KLF3: variants seen among roughly 807,000 people sequenced by gnomAD.
The protein encoded by KLF3 is Krueppel-like factor 3.
Under a neutral mutation model 32.7 loss-of-function variants are expected in KLF3, and 6 were observed. That is an observed-to-expected ratio of 0.18 (90% CI 0.10 to 0.36). KLF3 has a LOEUF of 0.36. Among genes scored for constraint, KLF3 ranks in the 10% least tolerant of loss-of-function variants. The probability of loss-of-function intolerance (pLI) is 1.00; values close to 1 mark genes in which losing one functional copy is unlikely to be tolerated. For synonymous variants in KLF3, 145 were observed against 172.8 expected, an observed-to-expected ratio of 0.84 and a Z score of 1.26; for missense variants, 338 against 449.7, an observed-to-expected ratio of 0.75 and a Z score of 2.25.
chr4:38,697,370 C>A lies in KLF3; in HGVS notation c.*107C>A. The A allele has an allele frequency of 9.3e-7, 1 of 1,071,938 alleles. No individual in the cohort carries two copies. The highest frequency in any genetic ancestry group is 1.7e-5 in the South Asian group (1 of 57,512). The allele number at this position is 1,071,938 out of a possible 1,614,324, so 66.4% of individuals were successfully genotyped here. On this transcript the variant is annotated 3_prime_UTR_variant, in exon 6 of 6. Coordinates refer to ENST00000261438, the MANE Select transcript of KLF3 (RefSeq NM_016531.6). ...TTTACATGTACATTTTAATTTGATT[C>A]AGCTGGTCTGAATCTCTGAATTTAT...
chr4:38,688,652 T>C lies in KLF3; in HGVS notation c.125T>C (p.Leu42Ser). 1 of 1,614,144 alleles carries C rather than the reference T, an allele frequency of 6.2e-7. No individual in the cohort carries two copies. The highest frequency in any genetic ancestry group is 8.5e-7 in the Non-Finnish European group (1 of 1,180,002). ...TATGGGGTCATCTACTCCACACCAT[T>C]GCCTGAGAAGTTCTTTCAGACCCCA... ...NKYGVIYSTP[L>S]PEKFFQTPEG... Residue 42 changes from leucine to serine, a missense_variant, in exon 3 of 6, where the codon TTG (leucine) becomes TCG (serine). Coordinates refer to ENST00000261438, the MANE Select transcript of KLF3 (RefSeq NM_016531.6). This position sits in a 1 kb window ranked among gnomAD's most constrained non-coding sequence, Gnocchi z 4.9.
At chr4:38,693,155 C>CAT (rs1722936406) in intron 4 of KLF3, among the ~76,000 whole-genome samples, 1 of 135,370 alleles carries the variant, frequency 7.4e-6, no homozygotes, top group South Asian at 2.3e-4. Context: ...TATATATATA[C>CAT]ATATATATAA....
At chr4:38,692,774 T>C (rs1309755993) in intron 4 of KLF3, among the ~76,000 whole-genome samples, 2 of 152,084 alleles carry the variant, frequency 1.3e-5, no homozygotes, top group African/African-American at 2.4e-5. Context: ...AATCCAATAA[T>C]TGGGAGAGAT....
intron 2 of KLF3, among the ~76,000 whole-genome samples, chr4:38,681,258 C>G (rs1390537184): frequency 6.6e-6 from 1 of 152,140 alleles, no homozygotes; most frequent in Non-Finnish European, 1.5e-5. Flanking sequence ...GGTGAATCCT[C>G]TCATGACAGA....
At chr4:38,684,287 T>G (rs1722623319) in intron 2 of KLF3, among the ~76,000 whole-genome samples, 1 of 152,194 alleles carries the variant, frequency 6.6e-6, no homozygotes, top group African/African-American at 2.4e-5. Context: ...TTCAAAATAA[T>G]TAGTATATTA....
chr4:38,690,065 T>G, intron 4 of KLF3, 186 bp downstream of exon 4: 1 of 490,888 alleles, frequency 2.0e-6, no homozygotes, highest in Non-Finnish European at 3.5e-6. Context: ...AATATGCTGT[T>G]ACACTGACAA....
chr4:38,679,592 G>A lies in KLF3; in HGVS notation c.-39-995G>A, dbSNP rs1336216773. Among the ~76,000 whole-genome samples, 7 of 152,314 alleles carry A rather than the reference G, an allele frequency of 4.6e-5. No individual in the cohort carries two copies. In the East Asian group the frequency reaches 1.3e-3, roughly 29 times the overall value. On this transcript the variant is annotated intron_variant, in intron 1 of 5. Coordinates refer to ENST00000261438, the MANE Select transcript of KLF3 (RefSeq NM_016531.6). ...GATATATTTAAAGAGGCTCATTGCT[G>A]TTCGTAATGGCGAAAACTTAGAAGC...
intron 1 of KLF3, among the ~76,000 whole-genome samples, chr4:38,673,340 A>T (rs1407772646): frequency 1.3e-5 from 2 of 152,130 alleles, no homozygotes; most frequent in Non-Finnish European, 2.9e-5. Flanking sequence ...GTCTCCAGTG[A>T]TAGGGAGGGC....
intron 1 of KLF3, among the ~76,000 whole-genome samples, chr4:38,675,681 C>T (rs1422652572): frequency 2.0e-5 from 3 of 152,154 alleles, no homozygotes; most frequent in Admixed American, 6.5e-5. Flanking sequence ...GATTTACTGC[C>T]GGTGTCCTGG....
chr4:38,667,122 T>C (rs939387409), intron 1 of KLF3, among the ~76,000 whole-genome samples: 3 of 152,192 alleles, frequency 2.0e-5, no homozygotes, highest in African/African-American at 7.2e-5. Flanking sequence ...GCTGGTGTTA[T>C]TATTCACACC....
At chr4:38,695,130 C>A (rs1179564079) in intron 5 of KLF3, among the ~76,000 whole-genome samples, 7 of 152,348 alleles carry the variant, frequency 4.6e-5, no homozygotes, top group African/African-American at 1.7e-4. Flanking sequence ...AGGCCACTCA[C>A]AATCACTTGC....
chr4:38,695,596 G>T (rs1723025541), intron 5 of KLF3, among the ~76,000 whole-genome samples: 1 of 152,168 alleles, frequency 6.6e-6, no homozygotes, highest in South Asian at 2.1e-4. Flanking sequence ...TAACAGCCAG[G>T]TGCAGTGACG....
In KLF3 at chr4:38,671,350, A is replaced by C. The variant is rs1233869087; in HGVS notation, c.-40+6889A>C. ...AATTTTTCTCAGCAGTTATATCGAC[A>C]ATGCAGGTGCACTGGCTAGGAAGAA... On this transcript the variant is annotated intron_variant, in intron 1 of 5. Transcript: ENST00000261438. This position sits in a 1 kb window ranked among gnomAD's most constrained non-coding sequence, Gnocchi z 4.4. Among the ~76,000 whole-genome samples, 1 of 152,208 alleles carries C rather than the reference A, an allele frequency of 6.6e-6. No individual in the cohort carries two copies. Among genetic ancestry groups the C allele is most frequent in the East Asian group, 1.9e-4 (1 of 5,206 alleles).
At chr4:38,665,379 G>A (rs141348005) in intron 1 of KLF3, among the ~76,000 whole-genome samples, 1,647 of 152,320 alleles carry the variant, frequency 0.011, 18 homozygotes, top group Non-Finnish European at 0.018. Flanking sequence ...CTTTCTTAGA[G>A]ATGGCAGATG....
chr4:38,694,636 G>T, intron 4 of KLF3, 110 bp from the exon 5 acceptor site: 1 of 930,180 alleles, frequency 1.1e-6, no homozygotes, highest in Non-Finnish European at 1.6e-6. Context: ...TTATTTTGTT[G>T]GGATTTTTTG....
At chr4:38,680,884 C>G in intron 2 of KLF3, 1 of 414,900 alleles carries the variant, frequency 2.4e-6, no homozygotes, top group Non-Finnish European at 4.6e-6. Flanking sequence ...AACCCCGTCT[C>G]TACTAAAAAT....
chr4:38,690,224 C>CT (rs1174475209), intron 4 of KLF3: 1 of 226,424 alleles, frequency 4.4e-6, no homozygotes, highest in Non-Finnish European at 8.5e-6. Context: ...ATAGATTAAA[C>CT]TTGGTGTTCT....
At chr4:38,684,277 T>C (rs976888507) in intron 2 of KLF3, among the ~76,000 whole-genome samples, 12 of 152,178 alleles carry the variant, frequency 7.9e-5, no homozygotes, top group African/African-American at 2.9e-4. Context: ...TTTTTCAAAG[T>C]TCAAAATAAT....
rs573278029 is a variant in KLF3 at position 38,699,595 on chromosome 4, T to G, written c.*2332T>G. ...TAGCCTCATGGGCATCTCATGGAAT[T>G]GATGCATTTGCTGTGGCATATTTAA... is the stretch of plus-strand genomic sequence containing the variant. On this transcript the variant is annotated 3_prime_UTR_variant, in exon 6 of 6. Coordinates refer to ENST00000261438, the MANE Select transcript of KLF3 (RefSeq NM_016531.6). The G allele has an allele frequency of 6.6e-5, 10 of 152,330 alleles. No individual in the cohort carries two copies. Among genetic ancestry groups the G allele is most frequent in the South Asian group, 2.1e-4 (1 of 4,824 alleles). 9.4% of individuals were successfully genotyped at this position (152,330 alleles called of 1,614,324 possible).
Sources: gnomAD v4.1 joint callset for allele counts (sites outside exome capture counted in the v4.1 genomes callset) on GRCh38, gnomAD v4.1.1 for gene constraint, Gnocchi (gnomAD v3.1) non-coding constraint, MANE v1.5 for transcripts, NCBI Gene and HGNC (gene_info 2026-07-23, HGNC 2026-07-21) for gene names.